RYR2: variants seen among roughly 807,000 people sequenced by gnomAD.
RYR2 encodes ryanodine receptor 2.
RYR2 carries 227 observed loss-of-function variants against 601.1 expected under a neutral mutation model. The ratio of observed to expected loss-of-function variants is 0.38; its 90% CI spans 0.34 to 0.42. The LOEUF is 0.42. Among genes scored for constraint, RYR2 ranks in the 10% least tolerant of loss-of-function variants. The pLI is 1.00. For missense variants in RYR2, 4,646 were observed against 6,156.5 expected, an observed-to-expected ratio of 0.75 and a Z score of 8.21; for synonymous variants, 2,223 against 2,175.1, an observed-to-expected ratio of 1.02 and a Z score of -0.61.
intron 1 of RYR2, among the ~76,000 whole-genome samples, chr1:237,131,748 T>C (rs1414568943): frequency 6.6e-6 from 1 of 151,624 alleles, no homozygotes; most frequent in Non-Finnish European, 1.5e-5. Flanking sequence ...TTAGGTAGAG[T>C]CTTGCTCTGT....
intron 1 of RYR2, among the ~76,000 whole-genome samples, chr1:237,130,898 G>A (rs1168145972): frequency 6.6e-6 from 1 of 152,140 alleles, no homozygotes; most frequent in African/African-American, 2.4e-5. Flanking sequence ...TTCCCTGGCA[G>A]ATGGGAAAGG....
intron 1 of RYR2, among the ~76,000 whole-genome samples, chr1:237,250,917 T>G (rs1027787693): frequency 1.3e-5 from 2 of 152,138 alleles, no homozygotes; most frequent in African/African-American, 4.8e-5. Context: ...TCTCACAAAT[T>G]CAGATTATGT....
At chr1:237,724,761 A>ACGAGAGGAC (rs3999835) in intron 74 of RYR2, among the ~76,000 whole-genome samples, 145,192 of 151,864 alleles carry the variant, frequency 0.96, 69,725 homozygotes, top group Non-Finnish European at 1. Context: ...TTAAATGGCT[A>ACGAGAGGAC]CATTTCTGAC....
chr1:237,393,532 C>T (rs2149881237), intron 10 of RYR2, among the ~76,000 whole-genome samples: 1 of 152,266 alleles, frequency 6.6e-6, no homozygotes, highest in Non-Finnish European at 1.5e-5. Context: ...TGCCTTTGGC[C>T]ACCACCTAGG....
At chr1:237,066,840 A>G (rs996488414) in intron 1 of RYR2, among the ~76,000 whole-genome samples, 1 of 151,876 alleles carries the variant, frequency 6.6e-6, no homozygotes, top group Admixed American at 6.6e-5. Flanking sequence ...ACGGGGTTTC[A>G]CCGTGTTAGG....
intron 1 of RYR2, among the ~76,000 whole-genome samples, chr1:237,199,817 T>C (rs776250515): frequency 3.1e-4 from 47 of 152,290 alleles, no homozygotes; most frequent in Admixed American, 5.9e-4. Context: ...GAAAACATCA[T>C]CTCATATGCA....
At chr1:237,433,358 A>G (rs907432892) in intron 12 of RYR2, among the ~76,000 whole-genome samples, 1 of 148,838 alleles carries the variant, frequency 6.7e-6, no homozygotes, top group African/African-American at 2.5e-5. Context: ...TTATATTTAT[A>G]ATAGAATCTT....
At chr1:237,637,777 G>T (rs530741619) in intron 44 of RYR2, among the ~76,000 whole-genome samples, 1 of 152,294 alleles carries the variant, frequency 6.6e-6, no homozygotes, top group Non-Finnish European at 1.5e-5. Context: ...TGATAGATAA[G>T]GGTCTCAAGT....
At chr1:237,541,607 A>G (rs549415944) in intron 25 of RYR2, among the ~76,000 whole-genome samples, 55 of 152,326 alleles carry the variant, frequency 3.6e-4, no homozygotes, top group African/African-American at 1.2e-3. Context: ...AGACCACCAA[A>G]CAGGCTTTGT....
chr1:237,604,498 C>A (rs190367738), intron 35 of RYR2, among the ~76,000 whole-genome samples: 1 of 152,098 alleles, frequency 6.6e-6, no homozygotes, highest in African/African-American at 2.4e-5. Context: ...ACCCTAACAT[C>A]GCAATTCAAA....
At chr1:237,695,059 T>G (rs945484482) in intron 63 of RYR2, among the ~76,000 whole-genome samples, 2 of 152,160 alleles carry the variant, frequency 1.3e-5, no homozygotes, top group Non-Finnish European at 1.5e-5. Flanking sequence ...TCTCAGCATA[T>G]CAGATTATAA....
chr1:237,344,418 G>A (rs956282169), intron 3 of RYR2, among the ~76,000 whole-genome samples: 3 of 152,006 alleles, frequency 2.0e-5, no homozygotes, highest in Non-Finnish European at 2.9e-5. Context: ...TATACTATTC[G>A]TTCTCTATCC....
At chr1:237,063,939 A>T (rs1385170576) in intron 1 of RYR2, among the ~76,000 whole-genome samples, 1 of 150,602 alleles carries the variant, frequency 6.6e-6, no homozygotes, top group African/African-American at 2.5e-5. Context: ...GTCAGCTGTA[A>T]GTCTCACTGT....
At chr1:237,341,646 A>G (rs1357700595) in intron 3 of RYR2, 1 of 517,038 alleles carries the variant, frequency 1.9e-6, no homozygotes. Context: ...TGTACTAGGT[A>G]GTAAGGAAAT....
At position 237,387,329 on chromosome 1, in the gene RYR2, C is replaced by G. The variant is rs749414350; in HGVS notation, c.625C>G (p.Gln209Glu). ...CTTACACGTGGATGCCGCTTTCCAG[C>G]AGACTCTCTGGAGCGTGGCCCCAAT... ...GSLHVDAAFQ[Q>E]TLWSVAPISS... Residue 209 changes from glutamine to glutamate, a missense_variant, in exon 9 of 105, where the codon CAG (glutamine) becomes GAG (glutamate). Physicochemically the swap from Gln to Glu is conservative, Grantham distance 29 (BLOSUM62 2). This residue lies in a region of RYR2 where 87 missense variants were observed against 144.7 expected (regional missense o/e 0.60). Coordinates refer to ENST00000366574, the MANE Select transcript of RYR2 (RefSeq NM_001035.3). 18 of 1,613,934 alleles carry G rather than the reference C, an allele frequency of 1.1e-5. No individual in the cohort carries two copies. Among genetic ancestry groups the G allele is most frequent in the Non-Finnish European group, 1.4e-5 (17 of 1,179,906 alleles).
chr1:237,715,332 T>C (rs1234335706), intron 71 of RYR2, among the ~76,000 whole-genome samples: 1 of 152,196 alleles, frequency 6.6e-6, no homozygotes, highest in Non-Finnish European at 1.5e-5. Context: ...ATACCCAATA[T>C]GTGCGTACAG....
intron 40 of RYR2, among the ~76,000 whole-genome samples, chr1:237,626,573 T>TC (rs1679679954): frequency 7.0e-6 from 1 of 142,534 alleles, no homozygotes; most frequent in Non-Finnish European, 1.5e-5. Flanking sequence ...TTTTTCTTTT[T>TC]CTTTTTCTTT....
At chr1:237,756,777 C>A (rs1692992464) in intron 81 of RYR2, among the ~76,000 whole-genome samples, 1 of 152,158 alleles carries the variant, frequency 6.6e-6, no homozygotes, top group East Asian at 1.9e-4. Context: ...AGGAAAGCTG[C>A]CAGACACAAT....
intron 1 of RYR2, among the ~76,000 whole-genome samples, chr1:237,201,336 C>T (rs1043995690): frequency 3.9e-5 from 6 of 152,136 alleles, no homozygotes; most frequent in East Asian, 1.9e-4. Flanking sequence ...TTGATCTCGA[C>T]GGCTATCTGC....
Sources: allele counts gnomAD v4.1 joint callset (sites outside exome capture counted in the v4.1 genomes callset), GRCh38; gene constraint gnomAD v4.1.1; regional missense constraint gnomAD v4.1.1; transcripts MANE v1.5; gene names NCBI Gene and HGNC (gene_info 2026-07-23, HGNC 2026-07-21).